The following CSMD3 variants were observed in gnomAD, a reference collection of about 807,000 sequenced individuals.
The protein encoded by CSMD3 is CUB and Sushi multiple domains 3, also known as CUB and sushi domain-containing protein 3.
Under a neutral mutation model 435.2 loss-of-function variants are expected in CSMD3, and 177 were observed. That is an observed-to-expected ratio of 0.41 (90% CI 0.36 to 0.46). The LOEUF (loss-of-function observed/expected upper bound fraction) is 0.46, where lower values mean the gene tolerates loss of function less well. Ranked by LOEUF, CSMD3 falls within the 20% of genes least tolerant of loss-of-function variation. The pLI is 0.34. For synonymous variants in CSMD3, 1,656 were observed against 1,520.5 expected (o/e 1.09, Z -2.07); for missense variants, 4,265 against 4,504.6 (o/e 0.95, Z 1.52).
rs559682441 is a variant in CSMD3 at position 112,223,377 on chromosome 8, A to T, written c.*1394T>A. 1.1e-3 allele frequency: 315 copies of T among 281,352 alleles called. 2 individuals are homozygous for T. The highest frequency in any genetic ancestry group is 6.3e-3 in the African/African-American group (291 of 46,478). The allele number at this position is 281,352 out of a possible 1,614,324, so 17.4% of individuals were successfully genotyped here. ...AAAAGTCAAGACTGTTCACAGAGTTATCCATATTTGAAAGGGACAACAACA... is the reference window on the plus strand; with the variant it reads ...AAAAGTCAAGACTGTTCACAGAGTTTTCCATATTTGAAAGGGACAACAACA... On this transcript the variant is annotated 3_prime_UTR_variant, in exon 71 of 71. Coordinates refer to ENST00000297405, the MANE Select transcript of CSMD3 (RefSeq NM_198123.2).
At chr8:112,883,616 C>A (rs1237478569) in intron 10 of CSMD3, among the ~76,000 whole-genome samples, 1 of 151,880 alleles carries the variant, frequency 6.6e-6, no homozygotes, top group Admixed American at 6.6e-5. Flanking sequence ...TTCCCATATT[C>A]TCTTAACCCA....
At chr8:113,016,113 T>A (rs1002597579) in intron 6 of CSMD3, among the ~76,000 whole-genome samples, 1 of 151,892 alleles carries the variant, frequency 6.6e-6, no homozygotes, top group African/African-American at 2.4e-5. Flanking sequence ...TAATAAATTA[T>A]TTAAGTAAGA....
chr8:112,313,294 G>A (rs987291390), intron 49 of CSMD3, among the ~76,000 whole-genome samples: 1 of 152,006 alleles, frequency 6.6e-6, no homozygotes, highest in African/African-American at 2.4e-5. Flanking sequence ...GCGACAAAAC[G>A]CTTCCGTTTT....
At chr8:112,535,668 C>G (rs887260095) in intron 27 of CSMD3, among the ~76,000 whole-genome samples, 4 of 152,044 alleles carry the variant, frequency 2.6e-5, no homozygotes, top group African/African-American at 7.2e-5. Flanking sequence ...TTGGAAAAAA[C>G]TACTTTAAAG....
At chr8:112,272,871 G>A (rs1475945861) in intron 59 of CSMD3, among the ~76,000 whole-genome samples, 2 of 152,056 alleles carry the variant, frequency 1.3e-5, no homozygotes, top group African/African-American at 4.8e-5. Context: ...CTTTTTGGGG[G>A]TTTTTATTTA....
intron 38 of CSMD3, among the ~76,000 whole-genome samples, chr8:112,368,550 T>C (rs62514439): frequency 0.2 from 30,926 of 152,064 alleles, 3,655 homozygotes; most frequent in East Asian, 0.39. Context: ...TCTAAAAATA[T>C]TTTAAGGCTA....
chr8:112,241,538 A>G (rs1381508127), intron 66 of CSMD3, among the ~76,000 whole-genome samples, 182 bp downstream of exon 66: 1 of 152,106 alleles, frequency 6.6e-6, no homozygotes, highest in Non-Finnish European at 1.5e-5. Context: ...ATACTTTTGG[A>G]ATACTAACAT....
intron 4 of CSMD3, among the ~76,000 whole-genome samples, chr8:113,135,114 G>GT (rs2091382986): frequency 6.6e-6 from 1 of 151,954 alleles, no homozygotes; most frequent in Non-Finnish European, 1.5e-5. Context: ...TTGAGTTTAG[G>GT]TAAGAACATT....
chr8:113,065,783 C>A (rs1217771819), intron 5 of CSMD3, among the ~76,000 whole-genome samples: 2 of 152,122 alleles, frequency 1.3e-5, no homozygotes, highest in Non-Finnish European at 1.5e-5. Flanking sequence ...ATGGGCATCA[C>A]AGCATTAGTA....
intron 9 of CSMD3, among the ~76,000 whole-genome samples, chr8:112,933,927 T>C (rs1242158406): frequency 6.6e-6 from 1 of 152,100 alleles, no homozygotes; most frequent in African/African-American, 2.4e-5. Context: ...CATACAGAAG[T>C]ACACTAAAGG....
chr8:112,784,882 G>C (rs925610331), intron 13 of CSMD3, among the ~76,000 whole-genome samples: 3 of 151,968 alleles, frequency 2.0e-5, no homozygotes, highest in African/African-American at 7.2e-5. Flanking sequence ...AAAAAATAGA[G>C]GATGAGGGTA....
At chr8:112,462,425 T>C (rs988424089) in intron 32 of CSMD3, among the ~76,000 whole-genome samples, 2 of 152,228 alleles carry the variant, frequency 1.3e-5, no homozygotes, top group Non-Finnish European at 2.9e-5. Flanking sequence ...TTCTTCTGAA[T>C]TATTAAGCAT....
At chr8:113,287,283 T>TC (rs1486798447) in intron 2 of CSMD3, among the ~76,000 whole-genome samples, 3 of 152,018 alleles carry the variant, frequency 2.0e-5, no homozygotes, top group African/African-American at 7.2e-5. Flanking sequence ...TTAAAAATGA[T>TC]CCAAGGATAT....
intron 1 of CSMD3, among the ~76,000 whole-genome samples, chr8:113,358,974 A>G (rs1380012311): frequency 6.6e-6 from 1 of 152,172 alleles, no homozygotes; most frequent in Non-Finnish European, 1.5e-5. Flanking sequence ...TAAAAAATAT[A>G]TATAGTAAAG....
chr8:112,305,870 TACTTA>T (rs745340703), intron 51 of CSMD3, 132 bp downstream of exon 51: 291 of 764,564 alleles, frequency 3.8e-4, no homozygotes, highest in Middle Eastern at 3.2e-3. Context: ...CAAGATAGCT[TACTTA>T]ACTTTTATTT....
chr8:113,406,225 C>T (rs954248234), intron 1 of CSMD3, among the ~76,000 whole-genome samples: 1 of 151,838 alleles, frequency 6.6e-6, no homozygotes, highest in Non-Finnish European at 1.5e-5. Context: ...GTGTTCAGTT[C>T]TGATACTTAA....
chr8:112,754,477 G>GAA (rs60897217), intron 13 of CSMD3, among the ~76,000 whole-genome samples: 6 of 147,802 alleles, frequency 4.1e-5, no homozygotes, highest in East Asian at 3.9e-4. Context: ...TGTTTTTTAG[G>GAA]AAAAAAAAAA....
chr8:112,433,877 C>T (rs150366079), intron 32 of CSMD3, among the ~76,000 whole-genome samples: 25 of 151,812 alleles, frequency 1.6e-4, no homozygotes, highest in African/African-American at 5.1e-4. Flanking sequence ...GAATCAATTA[C>T]TTCTTTTATT....
rs1812309292 is a variant in CSMD3 at position 112,223,275 on chromosome 8, T to C, written c.*1496A>G. 5.3e-6 allele frequency: 2 copies of C among 377,396 alleles called. No homozygotes were observed. Among genetic ancestry groups the C allele is most frequent in the East Asian group, 7.4e-5 (2 of 27,062 alleles). The allele number at this position is 377,396 out of a possible 1,614,324, so 23.4% of individuals were successfully genotyped here. On this transcript the variant is annotated 3_prime_UTR_variant, in exon 71 of 71. Coordinates refer to ENST00000297405, the MANE Select transcript of CSMD3 (RefSeq NM_198123.2). ...CTCAAAGTGGTTTACAAGAAATTCATTAAATGTTGTAGAGATAGAGCCAAG... is the reference window on the plus strand; with the variant it reads ...CTCAAAGTGGTTTACAAGAAATTCACTAAATGTTGTAGAGATAGAGCCAAG...
Sources: allele counts gnomAD v4.1 joint callset (sites outside exome capture counted in the v4.1 genomes callset), GRCh38; gene constraint gnomAD v4.1.1; transcripts MANE v1.5; gene names NCBI Gene and HGNC (gene_info 2026-07-23, HGNC 2026-07-21).